The following CSNK1A1 variants were observed in gnomAD, a reference collection of about 807,000 sequenced individuals.
CSNK1A1 encodes casein kinase I isoform alpha.
Under a neutral mutation model 46.1 loss-of-function variants are expected in CSNK1A1, and 7 were observed. That is an observed-to-expected ratio of 0.15 (90% CI 0.09 to 0.29). CSNK1A1 has a LOEUF of 0.29. CSNK1A1 is among the 10% of genes least tolerant of loss of function. The probability of loss-of-function intolerance (pLI) is 1.00; values close to 1 mark genes in which losing one functional copy is unlikely to be tolerated. For missense variants in CSNK1A1, 96 were observed against 417.1 expected (o/e 0.23, Z 6.71); for synonymous variants, 137 against 141.5 (o/e 0.97, Z 0.23).
chr5:149,529,994 G>C lies in CSNK1A1; in HGVS notation c.231-4823C>G, dbSNP rs547047259. ...TAAAAATATTTAAGTATTACTATGA[G>C]ACCCAGAATATTCCAGAATAAATCA... On this transcript the variant is annotated intron_variant, in intron 2 of 9. Coordinates refer to ENST00000377843, the MANE Select transcript of CSNK1A1 (RefSeq NM_001892.6). 4.4e-4 allele frequency among the ~76,000 whole-genome samples: 67 copies of C among 152,072 alleles called. 1 individual carries two copies. The South Asian group carries it at 8.5e-3, about 19-fold the overall frequency.
chr5:149,547,029 C>G (rs1230885863), intron 2 of CSNK1A1, among the ~76,000 whole-genome samples: 1 of 152,088 alleles, frequency 6.6e-6, no homozygotes, highest in Non-Finnish European at 1.5e-5. Context: ...GTACCTGACC[C>G]TACCACTCCT....
At chr5:149,533,661 C>T (rs1157629400) in intron 2 of CSNK1A1, among the ~76,000 whole-genome samples, 2 of 149,136 alleles carry the variant, frequency 1.3e-5, no homozygotes, top group Middle Eastern at 3.5e-3. Context: ...AATAATTGAG[C>T]GGGGACGTAG....
intron 9 of CSNK1A1, among the ~76,000 whole-genome samples, chr5:149,500,811 A>T (rs77347786): frequency 3.2e-4 from 31 of 98,284 alleles, no homozygotes; most frequent in African/African-American, 1.2e-3. Flanking sequence ...AAGAATAATT[A>T]AAAAAAAAAA....
intron 3 of CSNK1A1, 127 bp downstream of exon 3, chr5:149,524,917 TA>T: frequency 3.9e-6 from 3 of 779,148 alleles, no homozygotes; most frequent in Non-Finnish European, 3.8e-6. Flanking sequence ...GTCACATTAT[TA>T]TTTTTTTTCT....
intron 2 of CSNK1A1, among the ~76,000 whole-genome samples, chr5:149,540,754 G>A (rs1479594076): frequency 6.6e-6 from 1 of 152,132 alleles, no homozygotes; most frequent in African/African-American, 2.4e-5. Context: ...TATCTCAACA[G>A]AGATGTAGGT....
intron 9 of CSNK1A1, chr5:149,501,553 T>C (rs1161619126): frequency 2.0e-6 from 2 of 985,142 alleles, no homozygotes; most frequent in Non-Finnish European, 2.4e-6. Flanking sequence ...AAAATAATAT[T>C]TGTAATCCCC....
Position 149,503,628 on chromosome 5 carries a change from A to C in CSNK1A1, c.1006+1819T>G, listed in dbSNP as rs961230207. On this transcript the variant is annotated intron_variant, in intron 9 of 9. Coordinates refer to ENST00000377843, the MANE Select transcript of CSNK1A1 (RefSeq NM_001892.6). ...ATAGCTACAATACAAAATAAGGATTAAACAAGTTTAATTACAGTTCTTTCC... is the reference window on the plus strand; with the variant it reads ...ATAGCTACAATACAAAATAAGGATTCAACAAGTTTAATTACAGTTCTTTCC... 6.9e-5 allele frequency: 68 copies of C among 985,290 alleles called. No individual in the cohort carries two copies. The African/African-American group carries it at 1.2e-3, about 17-fold the overall frequency. 61.0% of individuals were successfully genotyped at this position (985,290 alleles called of 1,614,324 possible).
intron 2 of CSNK1A1, chr5:149,545,411 G>A: frequency 3.9e-6 from 2 of 513,634 alleles, no homozygotes; most frequent in Non-Finnish European, 7.0e-6. Flanking sequence ...AGGGGCCTGA[G>A]AGCCTTTGGG....
intron 6 of CSNK1A1, 33 bp downstream of exon 6, chr5:149,511,761 A>T: frequency 7.1e-7 from 1 of 1,412,288 alleles, no homozygotes; most frequent in Non-Finnish European, 9.9e-7. Context: ...TAAAAAAGAG[A>T]GAGAAAAATC....
chr5:149,501,736 C>T (rs1272671013), intron 9 of CSNK1A1: 4 of 985,262 alleles, frequency 4.1e-6, no homozygotes, highest in East Asian at 1.1e-4. Flanking sequence ...CCCACCTCTG[C>T]CTGCCCTCAA....
At chr5:149,544,046 C>G (rs955026905) in intron 2 of CSNK1A1, among the ~76,000 whole-genome samples, 1 of 152,164 alleles carries the variant, frequency 6.6e-6, no homozygotes, top group Admixed American at 6.5e-5. Context: ...GACTAAAAGT[C>G]CTTAGGATCA....
Position 149,501,878 on chromosome 5 carries a change from G to A in CSNK1A1, c.1006+3569C>T, listed in dbSNP as rs550119990. ...AGTCAAAGGGAGTGAAATAAATTTC[G>A]AAGTGTGTTGGGTGTGAATCTTATG... On this transcript the variant is annotated intron_variant, in intron 9 of 9. Transcript: ENST00000377843. 48 of 970,804 alleles carry A rather than the reference G, an allele frequency of 4.9e-5. No individual in the cohort carries two copies. The African/African-American group carries it at 7.0e-4, about 14-fold the overall frequency. The allele number at this position is 970,804 out of a possible 1,614,324, so 60.1% of individuals were successfully genotyped here.
At chr5:149,501,797 A>G in intron 9 of CSNK1A1, 1 of 980,586 alleles carries the variant, frequency 1.0e-6, no homozygotes, top group Non-Finnish European at 1.2e-6. Flanking sequence ...AAAATATTTC[A>G]TTTTCCTTTA....
At chr5:149,524,944 A>C (rs1290367741) in intron 3 of CSNK1A1, 101 bp downstream of exon 3, 6 of 1,103,384 alleles carry the variant, frequency 5.4e-6, no homozygotes, top group African/African-American at 1.6e-5. Context: ...TGCTAAGGTT[A>C]AATAGTGATG....
chr5:149,550,947 G>A lies in CSNK1A1; in HGVS notation c.18C>T (p.Gly6=), dbSNP rs1314879093. The A allele has an allele frequency of 1.2e-6, 2 of 1,614,026 alleles. No homozygotes were observed. The highest frequency in any genetic ancestry group is 1.3e-5 in the African/African-American group (1 of 74,934). Residue 6 remains glycine, a synonymous_variant, in exon 1 of 10, where the codon GGC becomes GGT. Transcript: ENST00000377843. This position sits in a 1 kb window ranked among gnomAD's most constrained non-coding sequence, Gnocchi z 4.3. MASSS[G]SKAEFIVGGK... ...CTCCGACAATGAATTCAGCCTTGGAGCCGCTGCTACTCGCCATCCTGAGAG... is the reference window on the plus strand; with the variant it reads ...CTCCGACAATGAATTCAGCCTTGGAACCGCTGCTACTCGCCATCCTGAGAG...
intron 9 of CSNK1A1, chr5:149,501,483 C>A: frequency 1.0e-6 from 1 of 985,290 alleles, no homozygotes; most frequent in Non-Finnish European, 1.2e-6. Flanking sequence ...TAGATGCAGC[C>A]CAGTAAAACT....
At chr5:149,502,105 G>T in intron 9 of CSNK1A1, 1 of 982,094 alleles carries the variant, frequency 1.0e-6, no homozygotes, top group African/African-American at 1.7e-5. Context: ...AGATAAGCCA[G>T]ACTTAAAGAA....
intron 9 of CSNK1A1, 122 bp downstream of exon 9, chr5:149,505,325 C>A: frequency 3.5e-6 from 5 of 1,409,292 alleles, no homozygotes; most frequent in South Asian, 1.7e-5. Flanking sequence ...TTTTTTTTAA[C>A]GCAGAGCCAA....
intron 9 of CSNK1A1, among the ~76,000 whole-genome samples, chr5:149,500,562 C>A (rs1376929528): frequency 6.6e-6 from 1 of 152,072 alleles, no homozygotes; most frequent in Non-Finnish European, 1.5e-5. Context: ...CAGAAGCGAG[C>A]CACCGCACCC....
Sources: gnomAD v4.1 joint callset for allele counts (sites outside exome capture counted in the v4.1 genomes callset) on GRCh38, gnomAD v4.1.1 for gene constraint, Gnocchi (gnomAD v3.1) non-coding constraint, MANE v1.5 for transcripts, NCBI Gene and HGNC (gene_info 2026-07-23, HGNC 2026-07-21) for gene names.